The following LCLAT1 variants were observed in gnomAD, a reference collection of about 807,000 sequenced individuals.
LCLAT1 encodes lysocardiolipin acyltransferase 1.
Under a neutral mutation model 30.7 loss-of-function variants are expected in LCLAT1, and 11 were observed. The ratio of observed to expected loss-of-function variants is 0.36; its 90% CI spans 0.23 to 0.59. The LOEUF (loss-of-function observed/expected upper bound fraction) is 0.59. Ranked by LOEUF, LCLAT1 falls within the 20% of genes least tolerant of loss-of-function variation. The pLI is 0.77. For missense variants in LCLAT1, 402 were observed against 458.6 expected (o/e 0.88, Z 1.13); for synonymous variants, 155 against 151.3 (o/e 1.02, Z -0.18).
intron 4 of LCLAT1, among the ~76,000 whole-genome samples, chr2:30,565,736 A>C (rs1665454336): frequency 6.6e-6 from 1 of 152,236 alleles, no homozygotes; most frequent in Admixed American, 6.5e-5. Flanking sequence ...GTTAATAAAA[A>C]TATGTCAGTC....
At chr2:30,611,004 C>G (rs1444601060) in intron 5 of LCLAT1, among the ~76,000 whole-genome samples, 1 of 148,450 alleles carries the variant, frequency 6.7e-6, no homozygotes, top group Non-Finnish European at 1.5e-5. Context: ...TTTTTCACTT[C>G]TTCCTTGATC....
intron 5 of LCLAT1, among the ~76,000 whole-genome samples, chr2:30,612,581 T>C (rs1667790076): frequency 6.6e-6 from 1 of 152,160 alleles, no homozygotes; most frequent in African/African-American, 2.4e-5. Context: ...TTAACAATAA[T>C]ATAGTGATTG....
intron 5 of LCLAT1, among the ~76,000 whole-genome samples, chr2:30,622,126 G>A (rs1244702653): frequency 2.0e-5 from 3 of 152,080 alleles, no homozygotes; most frequent in Non-Finnish European, 4.4e-5. Flanking sequence ...ATGGGAACTG[G>A]GTGAGGCCTG....
chr2:30,574,755 G>T (rs1665922067), intron 5 of LCLAT1, among the ~76,000 whole-genome samples: 1 of 152,162 alleles, frequency 6.6e-6, no homozygotes, highest in African/African-American at 2.4e-5. Context: ...TAAGGCATCT[G>T]TTCTACAGAT....
chr2:30,543,686 A>G (rs7562645), intron 3 of LCLAT1, among the ~76,000 whole-genome samples: 33,721 of 152,056 alleles, frequency 0.22, 3,819 homozygotes, highest in East Asian at 0.35. Context: ...AAACTGAGGC[A>G]TCAAGTTGTT....
chr2:30,605,144 G>A (rs1364183584), intron 5 of LCLAT1, among the ~76,000 whole-genome samples: 3 of 152,242 alleles, frequency 2.0e-5, no homozygotes, highest in East Asian at 1.9e-4. Context: ...ATGTTTGTGT[G>A]TATTGCCTTA....
chr2:30,603,259 T>C (rs1667276311), intron 5 of LCLAT1, among the ~76,000 whole-genome samples: 2 of 152,112 alleles, frequency 1.3e-5, no homozygotes, highest in African/African-American at 4.8e-5. Flanking sequence ...CAAGAAATTA[T>C]TCAATGAATA....
At chr2:30,488,524 TG>T (rs1262813019) in intron 1 of LCLAT1, among the ~76,000 whole-genome samples, 1 of 152,268 alleles carries the variant, frequency 6.6e-6, no homozygotes, top group Non-Finnish European at 1.5e-5. Flanking sequence ...TTTCTTTTAA[TG>T]GTTTATATTC....
chr2:30,509,763 C>G (rs765604411), intron 1 of LCLAT1, among the ~76,000 whole-genome samples: 23 of 151,990 alleles, frequency 1.5e-4, no homozygotes, highest in Non-Finnish European at 3.2e-4. Context: ...TGGGGTTTTG[C>G]ATGTTGGTCA....
chr2:30,565,614 A>G (rs1665448132), intron 4 of LCLAT1, among the ~76,000 whole-genome samples: 1 of 152,164 alleles, frequency 6.6e-6, no homozygotes, highest in Admixed American at 6.5e-5. Context: ...ATAACATAAC[A>G]CCTATATACA....
intron 1 of LCLAT1, among the ~76,000 whole-genome samples, chr2:30,506,418 T>C (rs1684664530): frequency 6.6e-6 from 1 of 152,094 alleles, no homozygotes; most frequent in South Asian, 2.1e-4. Context: ...TTAAAATTAA[T>C]AAGTAAAGAT....
chr2:30,449,688 C>A (rs961031499), intron 1 of LCLAT1, among the ~76,000 whole-genome samples: 2 of 151,800 alleles, frequency 1.3e-5, no homozygotes, highest in Non-Finnish European at 2.9e-5. Context: ...TTAGTAGAGA[C>A]GGGGTTTCTC....
intron 1 of LCLAT1, among the ~76,000 whole-genome samples, chr2:30,460,727 A>C (rs1363406739): frequency 6.6e-6 from 1 of 152,154 alleles, no homozygotes; most frequent in Non-Finnish European, 1.5e-5. Flanking sequence ...AGTTCAGGAA[A>C]GGAGCTGTCC....
chr2:30,518,930 T>C (rs1056748503), intron 1 of LCLAT1, among the ~76,000 whole-genome samples: 2 of 152,228 alleles, frequency 1.3e-5, no homozygotes, highest in African/African-American at 4.8e-5. Flanking sequence ...TCTTGTCCTT[T>C]GGTATGTGGA....
At chr2:30,625,966 G>A (rs1231545420) in intron 5 of LCLAT1, among the ~76,000 whole-genome samples, 2 of 152,154 alleles carry the variant, frequency 1.3e-5, no homozygotes, top group African/African-American at 4.8e-5. Flanking sequence ...AACTGTAAGG[G>A]CAAGCATTTC....
intron 1 of LCLAT1, among the ~76,000 whole-genome samples, chr2:30,497,464 T>C (rs1251204434): frequency 2.0e-5 from 3 of 152,234 alleles, no homozygotes; most frequent in African/African-American, 7.2e-5. Flanking sequence ...CATTAATAAC[T>C]ATTTTTGTGC....
At chr2:30,504,183 G>A (rs755581310) in intron 1 of LCLAT1, among the ~76,000 whole-genome samples, 38 of 151,834 alleles carry the variant, frequency 2.5e-4, no homozygotes, top group Non-Finnish European at 5.1e-4. Flanking sequence ...CACATAATAT[G>A]CATTACATAT....
At chr2:30,465,296 C>T (rs914498773) in intron 1 of LCLAT1, among the ~76,000 whole-genome samples, 10 of 152,080 alleles carry the variant, frequency 6.6e-5, no homozygotes, top group Non-Finnish European at 1.0e-4. Context: ...TGAGTGTTAA[C>T]GGCCACAAGT....
chr2:30,631,718 A>G (rs1422406180), intron 5 of LCLAT1, among the ~76,000 whole-genome samples: 3 of 152,222 alleles, frequency 2.0e-5, no homozygotes. Context: ...TGAAATTAAC[A>G]TGTACTCAGC....
Sources: gnomAD v4.1 joint callset for allele counts (sites outside exome capture counted in the v4.1 genomes callset) on GRCh38, gnomAD v4.1.1 for gene constraint, MANE v1.5 for transcripts, NCBI Gene and HGNC (gene_info 2026-07-23, HGNC 2026-07-21) for gene names.